SURF4: variants seen among roughly 807,000 people sequenced by gnomAD.
SURF4 encodes the protein surfeit 4, also known as surfeit locus protein 4.
SURF4 carries 3 observed loss-of-function variants against 30.0 expected under a neutral mutation model. That is an observed-to-expected ratio of 0.10 (90% CI 0.05 to 0.26). The LOEUF (loss-of-function observed/expected upper bound fraction) is 0.26. Among genes scored for constraint, SURF4 ranks in the 10% least tolerant of loss-of-function variants. SURF4 has a pLI of 1.00. For missense variants in SURF4, 217 were observed against 350.8 expected (o/e 0.62, Z 3.05); for synonymous variants, 143 against 139.9 (o/e 1.02, Z -0.16).
At chr9:133,373,717 A>AG (rs1837647272) in intron 1 of SURF4, among the ~76,000 whole-genome samples, 4 of 151,626 alleles carry the variant, frequency 2.6e-5, no homozygotes, top group Non-Finnish European at 5.9e-5. Flanking sequence ...CGGGAGTTCG[A>AG]AACCAGCCTG....
rs2130142654 is a variant in SURF4 at position 133,367,458 on chromosome 9, A to G, written c.49-13T>C. On this transcript the variant is annotated splice_polypyrimidine_tract_variant and intron_variant, in intron 1 of 5. Transcript: ENST00000371989. ...TGACACGGAGGAACTGCAGGGCCACAGAAACCCAAGGGTGAGGTGGCTGCG... is the reference window on the plus strand; with the variant it reads ...TGACACGGAGGAACTGCAGGGCCACGGAAACCCAAGGGTGAGGTGGCTGCG... 2 of 1,612,498 alleles carry G rather than the reference A, an allele frequency of 1.2e-6. No homozygotes were observed. Among genetic ancestry groups the G allele is most frequent in the Non-Finnish European group, 1.7e-6 (2 of 1,180,012 alleles).
In SURF4 at chr9:133,363,967, T is replaced by C. The variant is rs1837002389; in HGVS notation, c.544-208A>G. The stretch of plus-strand genomic sequence containing the variant: ...GCACCAGCTTTGAAATGTGGAAGGT[T>C]TGGGGAAGACTGAAGTTCCCAACTA... On this transcript the variant is annotated intron_variant, in intron 5 of 5. Transcript: ENST00000371989. The surrounding 1 kb of genome is among the most constrained non-coding windows in gnomAD (Gnocchi z 4.3). 1.4e-6 allele frequency: 1 copy of C among 730,428 alleles called. No homozygotes were observed. The highest frequency in any genetic ancestry group is 2.7e-5 in the East Asian group (1 of 37,314). The allele number at this position is 730,428 out of a possible 1,614,324, so 45.2% of individuals were successfully genotyped here. A position where few individuals can be genotyped will look rare whatever the true frequency, so the allele number is the denominator to read the frequency against.
At chr9:133,373,850 G>A (rs2130214251) in intron 1 of SURF4, among the ~76,000 whole-genome samples, 25 of 145,704 alleles carry the variant, frequency 1.7e-4, no homozygotes, top group East Asian at 6.1e-4. Flanking sequence ...TCCGGGAGGC[G>A]GGGGTTGCAG....
intron 1 of SURF4, among the ~76,000 whole-genome samples, chr9:133,375,572 C>A (rs587687217): frequency 1.3e-5 from 2 of 152,206 alleles, no homozygotes; most frequent in Non-Finnish European, 2.9e-5. Context: ...CGCCGAGGCG[C>A]TCCCCGCGAG....
chr9:133,366,131 C>G (rs1837156775), intron 3 of SURF4, 103 bp from the exon 4 acceptor site: 1 of 1,173,324 alleles, frequency 8.5e-7, no homozygotes. Context: ...CAGCTGGAGT[C>G]TAAAACACAC....
intron 3 of SURF4, among the ~76,000 whole-genome samples, chr9:133,366,359 G>A (rs1427601263): frequency 2.0e-5 from 3 of 152,154 alleles, no homozygotes; most frequent in South Asian, 2.1e-4. Context: ...AGCCAAGCTC[G>A]AGACTTCCCT....
Position 133,363,148 on chromosome 9 carries a change from G to A in SURF4, c.*345C>T. ...GATAATACCAATGCGTCTGCTCACA[G>A]TACAGCTTGAAGGCCCCCTCCTGTA... On this transcript the variant is annotated 3_prime_UTR_variant, in exon 6 of 6. Coordinates refer to ENST00000371989, the MANE Select transcript of SURF4 (RefSeq NM_033161.4). The surrounding 1 kb of genome is among the most constrained non-coding windows in gnomAD (Gnocchi z 4.3). 1 of 553,474 alleles carries A rather than the reference G, an allele frequency of 1.8e-6. No homozygotes were observed. Among genetic ancestry groups the A allele is most frequent in the African/African-American group, 1.9e-5 (1 of 53,110 alleles). The allele number at this position is 553,474 out of a possible 1,614,324, so 34.3% of individuals were successfully genotyped here.
chr9:133,368,578 A>G (rs185292801), intron 1 of SURF4, among the ~76,000 whole-genome samples: 19 of 152,370 alleles, frequency 1.2e-4, no homozygotes, highest in South Asian at 1.2e-3. Context: ...AATGGGATGG[A>G]CAGCTGTTTC....
intron 1 of SURF4, among the ~76,000 whole-genome samples, chr9:133,374,637 A>T (rs1328282065): frequency 1.3e-5 from 2 of 152,298 alleles, no homozygotes; most frequent in East Asian, 3.9e-4. Context: ...AATCTTAGGG[A>T]AAAAATGCTT....
chr9:133,369,948 G>A (rs2130174974), intron 1 of SURF4, among the ~76,000 whole-genome samples: 2 of 152,196 alleles, frequency 1.3e-5, no homozygotes, highest in African/African-American at 2.4e-5. Context: ...GTGTGGGTGT[G>A]GGGCGTGGAC....
chr9:133,371,413 T>C (rs1226116385), intron 1 of SURF4, among the ~76,000 whole-genome samples: 19 of 152,162 alleles, frequency 1.2e-4, no homozygotes, highest in Non-Finnish European at 1.5e-5. Context: ...AGGTTCACAC[T>C]GCACCCTGCA....
At chr9:133,365,953 G>A in intron 4 of SURF4, 32 bp downstream of exon 4, 3 of 1,608,652 alleles carry the variant, frequency 1.9e-6, no homozygotes, top group Non-Finnish European at 2.6e-6. Context: ...TGTAGAAGGA[G>A]CGTATACTAA....
At position 133,363,847 on chromosome 9, in the gene SURF4, G is replaced by T. The variant is rs1324093811; in HGVS notation, c.544-88C>A. ...AAAAGTTCCAGCTGCTGCACGTCATGAAGTCTCTATCCATCAGGCTGATGT... is the reference window on the plus strand; with the variant it reads ...AAAAGTTCCAGCTGCTGCACGTCATTAAGTCTCTATCCATCAGGCTGATGT... On this transcript the variant is annotated intron_variant, in intron 5 of 5. Coordinates refer to ENST00000371989, the MANE Select transcript of SURF4 (RefSeq NM_033161.4). The surrounding 1 kb of genome is among the most constrained non-coding windows in gnomAD (Gnocchi z 4.3). 6.6e-7 allele frequency: 1 copy of T among 1,519,642 alleles called. No homozygotes were observed. The highest frequency in any genetic ancestry group is 9.1e-7 in the Non-Finnish European group (1 of 1,103,554). 94.1% of individuals were successfully genotyped at this position (1,519,642 alleles called of 1,614,324 possible).
At chr9:133,370,156 C>A (rs2130177095) in intron 1 of SURF4, among the ~76,000 whole-genome samples, 9 of 152,192 alleles carry the variant, frequency 5.9e-5, no homozygotes, top group African/African-American at 2.2e-4. Context: ...GCACAGCCCA[C>A]GAGATTGAGG....
chr9:133,366,764 A>T lies in SURF4; in HGVS notation c.236-89T>A. 3 of 1,246,508 alleles carry T rather than the reference A, an allele frequency of 2.4e-6. No individual in the cohort carries two copies. In the South Asian group the frequency reaches 3.8e-5, roughly 16 times the overall value. The allele number at this position is 1,246,508 out of a possible 1,614,324, so 77.2% of individuals were successfully genotyped here. ...TACACTGCTACCTCACCTGGCCCTT[A>T]GGTCCAGAGGCAGCCAAACCACCTA... On this transcript the variant is annotated intron_variant, in intron 2 of 5. Transcript: ENST00000371989.
At chr9:133,375,645 G>A (rs893006768) in intron 1 of SURF4, among the ~76,000 whole-genome samples, 1 of 152,144 alleles carries the variant, frequency 6.6e-6, no homozygotes, top group African/African-American at 2.4e-5. Context: ...CCCACAGCCC[G>A]CGCCCCGGGC....
At chr9:133,366,763 T>C in intron 2 of SURF4, 88 bp from the exon 3 acceptor site, 1 of 1,291,228 alleles carries the variant, frequency 7.7e-7, no homozygotes. Flanking sequence ...ACCTGGCCCT[T>C]AGGTCCAGAG....
At chr9:133,376,284 T>TC, upstream of SURF4, 1 of 1,318,120 alleles carries the variant, frequency 7.6e-7, no homozygotes. Flanking sequence ...GGCCCTGCGG[T>TC]CCCTCCCGGC....
upstream of SURF4, chr9:133,376,407 G>A: frequency 4.1e-6 from 6 of 1,462,538 alleles, no homozygotes; most frequent in Non-Finnish European, 5.4e-6. Context: ...GGATCCCGCG[G>A]GTCCCACTGA....
Sources: gnomAD v4.1 joint callset for allele counts (sites outside exome capture counted in the v4.1 genomes callset) on GRCh38, gnomAD v4.1.1 for gene constraint, Gnocchi (gnomAD v3.1) non-coding constraint, MANE v1.5 for transcripts, NCBI Gene and HGNC (gene_info 2026-07-23, HGNC 2026-07-21) for gene names.